Variants in MAPKBP1 observed in about 807,000 individuals in gnomAD.
The protein encoded by MAPKBP1 is mitogen-activated protein kinase-binding protein 1.
A neutral mutation model predicts 170.5 loss-of-function variants in MAPKBP1; 71 were observed. The ratio of observed to expected loss-of-function variants is 0.42; its 90% CI spans 0.34 to 0.51. The LOEUF is 0.51. Ranked by LOEUF, MAPKBP1 falls within the 20% of genes least tolerant of loss-of-function variation. The probability of loss-of-function intolerance (pLI) is 0.06; values close to 1 mark genes in which losing one functional copy is unlikely to be tolerated. For synonymous variants in MAPKBP1, 719 were observed against 757.9 expected (o/e 0.95, Z 0.84); for missense variants, 1,598 against 1,933.0 (o/e 0.83, Z 3.25).
chr15:41,810,055 C>A (rs1158995585), intron 3 of MAPKBP1, among the ~76,000 whole-genome samples: 1 of 152,204 alleles, frequency 6.6e-6, no homozygotes, highest in Non-Finnish European at 1.5e-5. Context: ...CTTCCTTATT[C>A]AACACATGGT....
At chr15:41,824,182 GCTC>G in intron 29 of MAPKBP1, 121 bp downstream of exon 29, 1 of 1,362,334 alleles carries the variant, frequency 7.3e-7, no homozygotes, top group Non-Finnish European at 9.9e-7. Flanking sequence ...TGTCCTGTCT[GCTC>G]CTGTCGCAGG....
chr15:41,776,810 C>T (rs1158863700), intron 2 of MAPKBP1, among the ~76,000 whole-genome samples: 1 of 152,158 alleles, frequency 6.6e-6, no homozygotes, highest in East Asian at 1.9e-4. Flanking sequence ...AGTATAGTTG[C>T]CATTCTTTAA....
chr15:41,817,859 A>G lies in MAPKBP1; in HGVS notation c.1904+124A>G. 3.2e-6 allele frequency: 5 copies of G among 1,552,952 alleles called. No homozygotes were observed. The highest frequency in any genetic ancestry group is 4.4e-6 in the Non-Finnish European group (5 of 1,133,664). On this transcript the variant is annotated intron_variant, in intron 16 of 30. Coordinates refer to ENST00000457542, the MANE Select transcript of MAPKBP1 (RefSeq NM_014994.3). This position sits in a 1 kb window ranked among gnomAD's most constrained non-coding sequence, Gnocchi z 4.2. ...CTTTGTACCCCCTTGAGCCTACAGT[A>G]CTTTGCTTCACCCAAGAGGTGGTAG...
At chr15:41,778,915 G>T (rs929374944) in intron 2 of MAPKBP1, among the ~76,000 whole-genome samples, 3 of 152,120 alleles carry the variant, frequency 2.0e-5, no homozygotes, top group Non-Finnish European at 4.4e-5. Flanking sequence ...TATTGAGATC[G>T]TCCTCCTCCT....
At position 41,826,895 on chromosome 15, in the gene MAPKBP1, C is replaced by G. The variant is rs2065109733; in HGVS notation, c.*1459C>G. 6.6e-6 allele frequency: 1 copy of G among 152,244 alleles called. No individual in the cohort carries two copies. The highest frequency in any genetic ancestry group is 1.5e-5 in the Non-Finnish European group (1 of 68,090). 9.4% of individuals were successfully genotyped at this position (152,244 alleles called of 1,614,324 possible). A position where few individuals can be genotyped will look rare whatever the true frequency, so the allele number is the denominator to read the frequency against. ...AGTTGAGGAAAGGTTTTTCTGGGCC[C>G]TACTGCTCCCCTCTGCTGCAGGTAA... On this transcript the variant is annotated 3_prime_UTR_variant, in exon 31 of 31. Transcript: ENST00000457542.
chr15:41,817,843 C>G lies in MAPKBP1; in HGVS notation c.1904+108C>G. The G allele has an allele frequency of 6.4e-7, 1 of 1,567,438 alleles. No homozygotes were observed. Among genetic ancestry groups the G allele is most frequent in the Non-Finnish European group, 8.7e-7 (1 of 1,146,428 alleles). On this transcript the variant is annotated intron_variant, in intron 16 of 30. Transcript: ENST00000457542. The surrounding 1 kb of genome is among the most constrained non-coding windows in gnomAD (Gnocchi z 4.2). ...GTCGTTCTGTACAGGACTTTGTACCCCCTTGAGCCTACAGTACTTTGCTTC... is the reference window on the plus strand; with the variant it reads ...GTCGTTCTGTACAGGACTTTGTACCGCCTTGAGCCTACAGTACTTTGCTTC...
At chr15:41,798,912 G>A (rs1188230190) in intron 2 of MAPKBP1, among the ~76,000 whole-genome samples, 3 of 152,206 alleles carry the variant, frequency 2.0e-5, no homozygotes, top group Non-Finnish European at 4.4e-5. Flanking sequence ...CACAGTCCTG[G>A]AGCAGGTAAA....
At position 41,812,109 on chromosome 15, in the gene MAPKBP1, C is replaced by A; in HGVS notation, c.480C>A (p.Val160=). ...VSVGYQHDMI[V]NVWAWKKNIV... ...TGGGCTACCAGCATGACATGATCGT[C>A]AACGTGTGGGCCTGGAAGGTGAGTG... Residue 160 remains valine (V), a synonymous_variant, in exon 6 of 31, where the codon GTC becomes GTA. Transcript: ENST00000457542. The A allele has an allele frequency of 6.2e-7, 1 of 1,614,086 alleles. No homozygotes were observed. Among genetic ancestry groups the A allele is most frequent in the South Asian group, 1.1e-5 (1 of 91,068 alleles).
intron 2 of MAPKBP1, among the ~76,000 whole-genome samples, chr15:41,795,176 AAAAAAG>A (rs1567139385): frequency 1.3e-5 from 2 of 151,816 alleles, no homozygotes; most frequent in Admixed American, 6.6e-5. Flanking sequence ...AAAAAAAAAA[AAAAAAG>A]AAAAAGAAAA....
chr15:41,813,294 TTC>T (rs2064835308), intron 8 of MAPKBP1, 193 bp downstream of exon 8: 2 of 1,529,026 alleles, frequency 1.3e-6, no homozygotes. Context: ...TCTCTGCTCT[TTC>T]TGTCTCTTTC....
intron 5 of MAPKBP1, 102 bp downstream of exon 5, chr15:41,811,337 CAG>C (rs2064802498): frequency 8.5e-6 from 11 of 1,292,670 alleles, no homozygotes; most frequent in Admixed American, 1.8e-5. Context: ...GCTTCTGAAA[CAG>C]ACACCAAATC....
chr15:41,797,429 C>T (rs2064510463), intron 2 of MAPKBP1, among the ~76,000 whole-genome samples: 2 of 152,072 alleles, frequency 1.3e-5, no homozygotes, highest in African/African-American at 4.8e-5. Context: ...CTGCAGAAGG[C>T]GGTGGGTGTG....
intron 21 of MAPKBP1, 59 bp from the exon 22 acceptor site, chr15:41,819,535 AG>A: frequency 9.0e-7 from 1 of 1,107,380 alleles, no homozygotes; most frequent in Non-Finnish European, 1.2e-6. Context: ...CCAGGGCTCC[AG>A]GGTTGGGTGG....
chr15:41,799,998 G>C lies in MAPKBP1; in HGVS notation c.206+84G>C. 4.4e-6 allele frequency: 5 copies of C among 1,123,810 alleles called. No individual in the cohort carries two copies. In the South Asian group the frequency reaches 6.2e-5, roughly 14 times the overall value. 69.6% of individuals were successfully genotyped at this position (1,123,810 alleles called of 1,614,324 possible). A position where few individuals can be genotyped will look rare whatever the true frequency, so the allele number is the denominator to read the frequency against. ...AGTTGGGATGGGCAGGGATTTTCTG[G>C]TATCTTCTGGAAGATAGATACAGGT... is the stretch of plus-strand genomic sequence containing the variant. On this transcript the variant is annotated intron_variant, in intron 3 of 30. Coordinates refer to ENST00000457542, the MANE Select transcript of MAPKBP1 (RefSeq NM_014994.3).
chr15:41,790,211 A>ACACTGGGACTAACCCAAGAGAGGCTAC (rs1395644687), intron 2 of MAPKBP1, among the ~76,000 whole-genome samples: 3 of 152,212 alleles, frequency 2.0e-5, no homozygotes, highest in African/African-American at 7.2e-5. Flanking sequence ...AATACTTGGA[A>ACACTGGGACTAACCCAAGAGAGGCTAC]CACTGGGACT....
chr15:41,788,571 C>T (rs1208098773), intron 2 of MAPKBP1, among the ~76,000 whole-genome samples: 1 of 152,050 alleles, frequency 6.6e-6, no homozygotes, highest in Non-Finnish European at 1.5e-5. Flanking sequence ...TGAGCTGGTC[C>T]TCGAAGGAAA....
intron 28 of MAPKBP1, 93 bp downstream of exon 28, chr15:41,823,315 G>C (rs1180462646): frequency 5.2e-5 from 80 of 1,550,438 alleles, no homozygotes; most frequent in Non-Finnish European, 6.7e-5. Context: ...GCCCTGATGT[G>C]CCACTGTGCT....
intron 2 of MAPKBP1, among the ~76,000 whole-genome samples, chr15:41,787,251 A>T (rs1393704036): frequency 6.6e-6 from 1 of 152,230 alleles, no homozygotes; most frequent in Non-Finnish European, 1.5e-5. Flanking sequence ...ACAGAAAAGC[A>T]TAAAGAAGAA....
At chr15:41,796,200 A>C (rs971406935) in intron 2 of MAPKBP1, among the ~76,000 whole-genome samples, 1 of 152,208 alleles carries the variant, frequency 6.6e-6, no homozygotes, top group Non-Finnish European at 1.5e-5. Flanking sequence ...AGTTGTGCCC[A>C]GTCAGCATTC....
Sources: allele counts gnomAD v4.1 joint callset (sites outside exome capture counted in the v4.1 genomes callset), GRCh38; gene constraint gnomAD v4.1.1; non-coding constraint Gnocchi (gnomAD v3.1); transcripts MANE v1.5; gene names NCBI Gene and HGNC (gene_info 2026-07-23, HGNC 2026-07-21).